The following WWP1 variants were observed in gnomAD, a reference collection of about 807,000 sequenced individuals.
The protein encoded by WWP1 is NEDD4-like E3 ubiquitin-protein ligase WWP1.
WWP1 carries 49 observed loss-of-function variants against 130.6 expected under a neutral mutation model. The ratio of observed to expected loss-of-function variants is 0.38; its 90% CI spans 0.30 to 0.48. The LOEUF (loss-of-function observed/expected upper bound fraction) is 0.48, where lower values mean the gene tolerates loss of function less well. Ranked by LOEUF, WWP1 falls within the 20% of genes least tolerant of loss-of-function variation. WWP1 has a pLI of 0.99. For synonymous variants in WWP1, 332 were observed against 367.8 expected, an observed-to-expected ratio of 0.90 and a Z score of 1.11; for missense variants, 809 against 1,100.6, an observed-to-expected ratio of 0.74 and a Z score of 3.75.
intron 5 of WWP1, among the ~76,000 whole-genome samples, chr8:86,389,927 C>T (rs1350758299): frequency 6.6e-6 from 1 of 152,036 alleles, no homozygotes; most frequent in African/African-American, 2.4e-5. Flanking sequence ...AGACGCTCCT[C>T]ACTTCCCGGA....
chr8:86,405,271 C>T (rs780784245), intron 8 of WWP1, among the ~76,000 whole-genome samples: 7 of 150,280 alleles, frequency 4.7e-5, no homozygotes, highest in Non-Finnish European at 7.4e-5. Context: ...TAATTAAATG[C>T]TTTTAATCTC....
intron 13 of WWP1, 51 bp from the exon 14 acceptor site, chr8:86,431,564 T>C (rs771680583): frequency 1.2e-6 from 2 of 1,611,840 alleles, no homozygotes; most frequent in South Asian, 1.1e-5. Context: ...GAATGAGATA[T>C]TTTTAGTACC....
Position 86,439,500 on chromosome 8 carries a change from A to C in WWP1, c.1838+827A>C, listed in dbSNP as rs147441715. On this transcript the variant is annotated intron_variant, in intron 17 of 24. Transcript: ENST00000517970. The stretch of plus-strand genomic sequence containing the variant: ...GTGAGGCACAGCACTCAGTCTGAAT[A>C]TTTTCTTTTTTAAAATGGCTGTACA... Among the ~76,000 whole-genome samples the C allele has an allele frequency of 8.9e-4, 135 of 152,080 alleles. No individual in the cohort carries two copies. In the East Asian group the frequency reaches 0.024, roughly 27 times the overall value.
At chr8:86,399,224 C>A (rs529176071) in intron 7 of WWP1, among the ~76,000 whole-genome samples, 1 of 151,982 alleles carries the variant, frequency 6.6e-6, no homozygotes, top group African/African-American at 2.4e-5. Context: ...GGTATCATAC[C>A]GCTCTCTGGA....
Position 86,342,910 on chromosome 8 carries a change from G to T in WWP1, c.-135G>T, listed in dbSNP as rs1198230075. ...GCTGCCGTGGCCGCCCGGCTGCCGG[G>T]AGCCGACAGCTTCGCGCCGGGTAAG... is the stretch of plus-strand genomic sequence containing the variant. On this transcript the variant is annotated 5_prime_UTR_variant, in exon 1 of 25. Coordinates refer to ENST00000517970, the MANE Select transcript of WWP1 (RefSeq NM_007013.4). 5.7e-6 allele frequency: 2 copies of T among 348,860 alleles called. No individual in the cohort carries two copies. The highest frequency in any genetic ancestry group is 4.2e-5 in the East Asian group (1 of 23,724). The allele number at this position is 348,860 out of a possible 1,614,324, so 21.6% of individuals were successfully genotyped here. A position where few individuals can be genotyped will look rare whatever the true frequency, so the allele number is the denominator to read the frequency against.
At chr8:86,445,120 G>A (rs1230993725) in intron 18 of WWP1, among the ~76,000 whole-genome samples, 1 of 152,104 alleles carries the variant, frequency 6.6e-6, no homozygotes, top group African/African-American at 2.4e-5. Flanking sequence ...AACCAGCTCT[G>A]TAGGGAACTA....
At chr8:86,454,203 AC>A (rs1811322497) in intron 21 of WWP1, among the ~76,000 whole-genome samples, 1 of 152,178 alleles carries the variant, frequency 6.6e-6, no homozygotes, top group Non-Finnish European at 1.5e-5. Flanking sequence ...CTTCTCCCTT[AC>A]ACTTTAAATC....
chr8:86,408,655 C>T (rs1428436607), intron 8 of WWP1, among the ~76,000 whole-genome samples: 1 of 152,176 alleles, frequency 6.6e-6, no homozygotes, highest in Non-Finnish European at 1.5e-5. Flanking sequence ...GTGGCTTACG[C>T]CTGTAATCCC....
In WWP1 at chr8:86,438,619, G is replaced by A. The variant is rs1043774516; in HGVS notation, c.1784G>A (p.Arg595His). ...TTAAAACCCTATGACTTGAGGAGGCGCTTATATGTAATATTTAGAGGAGAA... is the reference window on the plus strand; with the variant it reads ...TTAAAACCCTATGACTTGAGGAGGCACTTATATGTAATATTTAGAGGAGAA... The part of the protein sequence containing the change: ...MALKPYDLRR[R>H]LYVIFRGEEG... The change falls in exon 17 of 25, where the codon CGC becomes CAC. Residue 595 changes from arginine (R) to histidine (H), a missense_variant. By Grantham distance (29) the Arg-to-His change is conservative. Coordinates refer to ENST00000517970, the MANE Select transcript of WWP1 (RefSeq NM_007013.4). 3.1e-6 allele frequency: 5 copies of A among 1,607,536 alleles called. No individual in the cohort carries two copies. Among genetic ancestry groups the A allele is most frequent in the Non-Finnish European group, 3.4e-6 (4 of 1,178,378 alleles).
At chr8:86,462,880 A>G (rs1194732242) in intron 24 of WWP1, among the ~76,000 whole-genome samples, 1 of 143,966 alleles carries the variant, frequency 6.9e-6, no homozygotes, top group African/African-American at 2.5e-5. Flanking sequence ...AGGTTTAAAG[A>G]AAAAAAAAAA....
rs565614855 is a variant in WWP1 at position 86,445,113 on chromosome 8, C to T, written c.1998+2335C>T. On this transcript the variant is annotated intron_variant, in intron 18 of 24. Transcript: ENST00000517970. The stretch of plus-strand genomic sequence containing the variant: ...GGAAGTGCCATACTCTTTTTAAAAC[C>T]AGCTCTGTAGGGAACTAATAGAGTG... Among the ~76,000 whole-genome samples, 3 of 152,144 alleles carry T rather than the reference C, an allele frequency of 2.0e-5. No homozygotes were observed. In the East Asian group the frequency reaches 5.8e-4, roughly 29 times the overall value.
chr8:86,454,638 A>G (rs1188214198), intron 21 of WWP1, among the ~76,000 whole-genome samples: 1 of 152,120 alleles, frequency 6.6e-6, no homozygotes, highest in Non-Finnish European at 1.5e-5. Flanking sequence ...CCAATTAAGA[A>G]TGCCCATGTT....
In WWP1 at chr8:86,458,040, CT is replaced by C; in HGVS notation, c.2499+21del. On this transcript the variant is annotated intron_variant, in intron 22 of 24. Coordinates refer to ENST00000517970, the MANE Select transcript of WWP1 (RefSeq NM_007013.4). ...GGTTTTGGCAGGTATTTGCTTTTAT[CT>C]TTTTTGAAACAAAGTACTCAACATA... 3.7e-6 allele frequency: 6 copies of C among 1,600,930 alleles called. No individual in the cohort carries two copies. The highest frequency in any genetic ancestry group is 2.2e-5 in the South Asian group (2 of 90,298).
intron 17 of WWP1, among the ~76,000 whole-genome samples, chr8:86,441,845 A>C (rs570967650): frequency 6.6e-6 from 1 of 152,212 alleles, no homozygotes; most frequent in Non-Finnish European, 1.5e-5. Context: ...TACTGTAAGC[A>C]TTTGAGTTTG....
chr8:86,465,541 G>A (rs1812034108), intron 24 of WWP1, among the ~76,000 whole-genome samples: 1 of 152,142 alleles, frequency 6.6e-6, no homozygotes, highest in African/African-American at 2.4e-5. Flanking sequence ...TGGGAGGAGG[G>A]AGGATTGCTT....
rs570523088 is a variant in WWP1 at position 86,369,575 on chromosome 8, G to T, written c.-22+544G>T. On this transcript the variant is annotated intron_variant, in intron 2 of 24. Coordinates refer to ENST00000517970, the MANE Select transcript of WWP1 (RefSeq NM_007013.4). ...CCTGATTGGCACTGTTCCCCAGTTT[G>T]CACAGTATTGTAAACTTTTAAGATT... 1.1e-3 allele frequency among the ~76,000 whole-genome samples: 174 copies of T among 152,238 alleles called. 2 individuals are homozygous for T. Among genetic ancestry groups the T allele is most frequent in the South Asian group, 7.1e-3 (34 of 4,820 alleles).
intron 24 of WWP1, among the ~76,000 whole-genome samples, chr8:86,462,884 A>G (rs1226976771): frequency 1.3e-5 from 2 of 152,170 alleles, no homozygotes; most frequent in African/African-American, 4.8e-5. Flanking sequence ...TTAAAGAAAA[A>G]AAAAAAAAAG....
At chr8:86,368,360 T>C (rs1314239578) in intron 1 of WWP1, among the ~76,000 whole-genome samples, 2 of 152,196 alleles carry the variant, frequency 1.3e-5, no homozygotes, top group Non-Finnish European at 2.9e-5. Flanking sequence ...TAGGGAACCA[T>C]CATCCACTCA....
chr8:86,448,921 C>T lies in WWP1; in HGVS notation c.2273+408C>T, dbSNP rs77442305. Among the ~76,000 whole-genome samples the T allele has an allele frequency of 6.7e-3, 1,021 of 152,262 alleles. 10 individuals carry two copies. The highest frequency in any genetic ancestry group is 0.024 in the African/African-American group (979 of 41,534). On this transcript the variant is annotated intron_variant, in intron 20 of 24. Transcript: ENST00000517970. ...TGATCATAGCTTACTGCAGGGTTGA[C>T]CTCCTGTGCTCAAGCAATTCTGCCT... is the stretch of plus-strand genomic sequence containing the variant.
Sources: allele counts gnomAD v4.1 joint callset (sites outside exome capture counted in the v4.1 genomes callset), GRCh38; gene constraint gnomAD v4.1.1; transcripts MANE v1.5; gene names NCBI Gene and HGNC (gene_info 2026-07-23, HGNC 2026-07-21).